The following FSIP1 variants were observed in gnomAD, a reference collection of about 807,000 sequenced individuals.
FSIP1 encodes the protein fibrous sheath interacting protein 1.
FSIP1 carries 65 observed loss-of-function variants against 60.9 expected under a neutral mutation model. The ratio of observed to expected loss-of-function variants is 1.07; its 90% CI spans 0.87 to 1.31. FSIP1 has a LOEUF of 1.31. Among genes scored for constraint, FSIP1 ranks in the 40% most tolerant of loss-of-function variants. The pLI is 0.00. For synonymous variants in FSIP1, 209 were observed against 221.2 expected (o/e 0.94, Z 0.49); for missense variants, 675 against 665.5 (o/e 1.01, Z -0.16).
intron 10 of FSIP1, among the ~76,000 whole-genome samples, chr15:39,639,205 T>C (rs924296699): frequency 1.3e-5 from 2 of 152,182 alleles, no homozygotes; most frequent in South Asian, 2.1e-4. Flanking sequence ...ACAGAGATAG[T>C]GGTCATTGCC....
intron 10 of FSIP1, among the ~76,000 whole-genome samples, chr15:39,652,153 GC>G (rs1185724113): frequency 1.3e-5 from 2 of 152,212 alleles, no homozygotes; most frequent in South Asian, 2.1e-4. Flanking sequence ...TTCCAGCTCA[GC>G]CTCAGAGCCC....
chr15:39,633,840 T>C (rs562589498), intron 10 of FSIP1, among the ~76,000 whole-genome samples: 37 of 152,372 alleles, frequency 2.4e-4, no homozygotes, highest in African/African-American at 8.2e-4. Flanking sequence ...CAGACTTTGC[T>C]GTCATACACA....
intron 2 of FSIP1, among the ~76,000 whole-genome samples, chr15:39,775,774 T>C (rs1898033879): frequency 6.6e-6 from 1 of 152,146 alleles, no homozygotes. Flanking sequence ...TCCGCCATGA[T>C]TCTAAGTTTC....
At chr15:39,746,273 T>G (rs1896990342) in intron 5 of FSIP1, among the ~76,000 whole-genome samples, 1 of 151,984 alleles carries the variant, frequency 6.6e-6, no homozygotes. Context: ...GGGGCAGACT[T>G]AGATCTAGAT....
chr15:39,737,949 A>T (rs560062102), intron 8 of FSIP1, 142 bp downstream of exon 8: 1 of 550,902 alleles, frequency 1.8e-6, no homozygotes, highest in South Asian at 3.0e-5. Flanking sequence ...TTCCTGTGTT[A>T]GTAAAACAGG....
chr15:39,725,405 T>C (rs1028143264), intron 9 of FSIP1, among the ~76,000 whole-genome samples: 1 of 152,146 alleles, frequency 6.6e-6, no homozygotes, highest in Non-Finnish European at 1.5e-5. Flanking sequence ...CCGCCAGAAA[T>C]ACAACCAGTC....
intron 10 of FSIP1, among the ~76,000 whole-genome samples, chr15:39,626,711 C>A (rs998665164): frequency 2.0e-5 from 3 of 152,118 alleles, no homozygotes. Context: ...GTGCCTCTGC[C>A]TTCCGCCATG....
intron 10 of FSIP1, among the ~76,000 whole-genome samples, chr15:39,686,941 A>G (rs1328755376): frequency 6.6e-6 from 1 of 152,062 alleles, no homozygotes; most frequent in Non-Finnish European, 1.5e-5. Context: ...TTTGCAAAAT[A>G]TCATCCCAGT....
At chr15:39,761,549 T>C (rs1367777274) in intron 5 of FSIP1, among the ~76,000 whole-genome samples, 1 of 152,084 alleles carries the variant, frequency 6.6e-6, no homozygotes, top group African/African-American at 2.4e-5. Flanking sequence ...AGTGGAATGG[T>C]GGTTACCAGA....
chr15:39,700,636 G>C (rs544825151), intron 10 of FSIP1, among the ~76,000 whole-genome samples: 2 of 152,246 alleles, frequency 1.3e-5, no homozygotes, highest in East Asian at 3.9e-4. Flanking sequence ...AACATATGAA[G>C]GGATGTCCTA....
intron 11 of FSIP1, among the ~76,000 whole-genome samples, chr15:39,604,533 A>G (rs964352054): frequency 1.3e-5 from 2 of 152,242 alleles, no homozygotes; most frequent in African/African-American, 4.8e-5. Flanking sequence ...TTGAAAGTAA[A>G]TTGAAGATGT....
At chr15:39,758,544 A>G (rs1304701757) in intron 5 of FSIP1, among the ~76,000 whole-genome samples, 1 of 152,048 alleles carries the variant, frequency 6.6e-6, no homozygotes, top group Non-Finnish European at 1.5e-5. Flanking sequence ...TCTCATTTCT[A>G]TGAAGGTATA....
chr15:39,736,494 C>CA (rs1418059427), intron 8 of FSIP1, among the ~76,000 whole-genome samples: 10 of 152,244 alleles, frequency 6.6e-5, no homozygotes, highest in East Asian at 5.8e-4. Flanking sequence ...ATGTTTCTCA[C>CA]AAAAAAATCT....
chr15:39,776,743 C>A (rs1898077212), intron 1 of FSIP1, among the ~76,000 whole-genome samples: 2 of 152,012 alleles, frequency 1.3e-5, no homozygotes, highest in Admixed American at 1.3e-4. Flanking sequence ...ATATACTGCC[C>A]AGGATGTTAG....
intron 10 of FSIP1, among the ~76,000 whole-genome samples, chr15:39,691,739 T>C (rs1048499144): frequency 6.6e-6 from 1 of 152,170 alleles, no homozygotes; most frequent in African/African-American, 2.4e-5. Flanking sequence ...TCAACTAATG[T>C]GACTCCTTCC....
intron 10 of FSIP1, among the ~76,000 whole-genome samples, chr15:39,648,170 AAAAAAAAAAG>A (rs1194371884): frequency 2.2e-5 from 2 of 91,618 alleles, no homozygotes; most frequent in Non-Finnish European, 3.9e-5. Flanking sequence ...AAGTATAATA[AAAAAAAAAAG>A]AAAAAAAAAG....
intron 10 of FSIP1, among the ~76,000 whole-genome samples, chr15:39,624,556 T>C (rs1891562247): frequency 6.6e-6 from 1 of 152,192 alleles, no homozygotes; most frequent in Non-Finnish European, 1.5e-5. Flanking sequence ...AAATAATTGG[T>C]GTTCATTTTA....
chr15:39,617,128 G>A (rs1020308482), intron 11 of FSIP1, among the ~76,000 whole-genome samples: 5 of 152,040 alleles, frequency 3.3e-5, no homozygotes, highest in African/African-American at 1.2e-4. Context: ...TACAATAGAG[G>A]TAAAAATTGA....
At chr15:39,668,589 C>T (rs1893593682) in intron 10 of FSIP1, among the ~76,000 whole-genome samples, 1 of 152,178 alleles carries the variant, frequency 6.6e-6, no homozygotes, top group Non-Finnish European at 1.5e-5. Context: ...GTTTCATCTA[C>T]ACTATTTAAA....
Sources: allele counts gnomAD v4.1 joint callset (sites outside exome capture counted in the v4.1 genomes callset), GRCh38; gene constraint gnomAD v4.1.1; transcripts MANE v1.5; gene names NCBI Gene and HGNC (gene_info 2026-07-23, HGNC 2026-07-21).